The following UPP2 variants were observed in gnomAD, a reference collection of about 807,000 sequenced individuals.
UPP2 encodes the protein uridine phosphorylase 2, also known as UPase 2.
A neutral mutation model predicts 26.7 loss-of-function variants in UPP2; 23 were observed. The ratio of observed to expected loss-of-function variants is 0.86; its 90% CI spans 0.62 to 1.22. The LOEUF is 1.22. UPP2 is among the 50% of genes most tolerant of loss of function. The probability of loss-of-function intolerance (pLI) is 0.00; values close to 1 mark genes in which losing one functional copy is unlikely to be tolerated. For synonymous variants in UPP2, 127 were observed against 141.3 expected (o/e 0.90, Z 0.72); for missense variants, 387 against 396.7 (o/e 0.98, Z 0.21).
At chr2:158,047,701 G>A (rs1684176195) in intron 3 of UPP2, among the ~76,000 whole-genome samples, 1 of 152,182 alleles carries the variant, frequency 6.6e-6, no homozygotes, top group Admixed American at 6.5e-5. Context: ...ATAAAGGAAT[G>A]TAGCTTCAGT....
At chr2:158,080,753 A>G (rs1329883089) in intron 3 of UPP2, among the ~76,000 whole-genome samples, 1 of 152,130 alleles carries the variant, frequency 6.6e-6, no homozygotes, top group East Asian at 1.9e-4. Context: ...TGTCCACCAG[A>G]CTGTGCCCTC....
At chr2:158,086,765 A>G (rs12052397) in intron 3 of UPP2, among the ~76,000 whole-genome samples, 45,104 of 151,942 alleles carry the variant, frequency 0.3, 8,532 homozygotes, top group African/African-American at 0.54. Flanking sequence ...TCATTCAGGA[A>G]CAGGTTATTT....
intron 2 of UPP2, among the ~76,000 whole-genome samples, chr2:157,998,984 C>T (rs1239087426): frequency 1.3e-5 from 2 of 152,070 alleles, no homozygotes; most frequent in African/African-American, 4.8e-5. Context: ...CGAGGTTGTC[C>T]CACTGCTCAC....
At position 158,101,994 on chromosome 2, in the gene UPP2, T is replaced by C. The variant is rs1309881241; in HGVS notation, c.-70T>C. 6.2e-7 allele frequency: 1 copy of C among 1,601,886 alleles called. No homozygotes were observed. Among genetic ancestry groups the C allele is most frequent in the African/African-American group, 1.4e-5 (1 of 73,998 alleles). Reference sequence around the variant, plus strand: ...TGAACTATTATGACTAGGTCTATAATTTAATAACAAGTCACAATATCTCTC... The same window carrying C: ...TGAACTATTATGACTAGGTCTATAACTTAATAACAAGTCACAATATCTCTC... On this transcript the variant is annotated 5_prime_UTR_variant, in exon 1 of 7. Coordinates refer to ENST00000005756, the MANE Select transcript of UPP2 (RefSeq NM_173355.4).
At chr2:157,997,087 C>T (rs1022855503) in intron 2 of UPP2, among the ~76,000 whole-genome samples, 1 of 152,266 alleles carries the variant, frequency 6.6e-6, no homozygotes, top group Non-Finnish European at 1.5e-5. Flanking sequence ...TTTTCTCAAA[C>T]GTTTCTTTGG....
chr2:158,000,702 T>C (rs1015999447), intron 2 of UPP2, among the ~76,000 whole-genome samples: 1 of 152,250 alleles, frequency 6.6e-6, no homozygotes, highest in South Asian at 2.1e-4. Flanking sequence ...TGTCCATTAC[T>C]GAGCCAAGCA....
At chr2:158,064,153 T>A (rs530184037) in intron 3 of UPP2, among the ~76,000 whole-genome samples, 5 of 152,238 alleles carry the variant, frequency 3.3e-5, no homozygotes, top group Non-Finnish European at 7.3e-5. Context: ...TAGTTCTAGA[T>A]CCTTGAAGAA....
rs372671023 is a variant in UPP2 at position 158,027,661 on chromosome 2, G to A, written c.147+11775G>A. 6.6e-5 allele frequency among the ~76,000 whole-genome samples: 10 copies of A among 152,276 alleles called. No homozygotes were observed. In the East Asian group the frequency reaches 7.7e-4, roughly 12 times the overall value. ...GCTCCACTAGACGGTACCCCAGTAG[G>A]GGCTCTGTGTGGGGGATCTGACCCC... On this transcript the variant is annotated intron_variant, in intron 3 of 9. Coordinates refer to the UPP2 transcript ENST00000605860.
chr2:158,091,223 T>C (rs1027626240), intron 3 of UPP2, among the ~76,000 whole-genome samples: 3 of 152,198 alleles, frequency 2.0e-5, no homozygotes, highest in Admixed American at 2.0e-4. Flanking sequence ...TGCTTTCAAA[T>C]ATTTCTGTGT....
At chr2:158,079,338 A>G (rs1682682372) in intron 3 of UPP2, among the ~76,000 whole-genome samples, 1 of 152,120 alleles carries the variant, frequency 6.6e-6, no homozygotes, top group South Asian at 2.1e-4. Context: ...TCCCTGTAGG[A>G]TATCCAAATT....
rs145458703 is a variant in UPP2, at chr2:158,027,827, T to C, written c.147+11941T>C. 7.2e-3 allele frequency among the ~76,000 whole-genome samples: 1,101 copies of C among 152,326 alleles called. 11 individuals are homozygous for C. The highest frequency in any genetic ancestry group is 0.012 in the Non-Finnish European group (840 of 68,014). The stretch of plus-strand genomic sequence containing the variant: ...TCCAAACCCCAATTCTTGACTTCTG[T>C]GCACTTGCAGGCTCAACACCATGTG... On this transcript the variant is annotated intron_variant, in intron 3 of 9. Transcript: ENST00000605860.
intron 3 of UPP2, among the ~76,000 whole-genome samples, chr2:158,076,988 C>G (rs1430772428): frequency 6.6e-6 from 1 of 151,978 alleles, no homozygotes; most frequent in African/African-American, 2.4e-5. Context: ...GATACATAAT[C>G]AACATACGAA....
chr2:158,117,599 A>G (rs894816818), intron 3 of UPP2, among the ~76,000 whole-genome samples: 1 of 151,962 alleles, frequency 6.6e-6, no homozygotes, highest in African/African-American at 2.4e-5. Flanking sequence ...AGTCAACAGA[A>G]CTGGCAGTGA....
intron 3 of UPP2, among the ~76,000 whole-genome samples, chr2:158,086,265 T>C (rs1682812831): frequency 6.6e-6 from 1 of 152,122 alleles, no homozygotes; most frequent in Admixed American, 6.5e-5. Flanking sequence ...GTATGTTTTC[T>C]AATTTATACA....
chr2:158,095,834 G>A (rs889982685), intron 3 of UPP2, among the ~76,000 whole-genome samples: 2 of 151,604 alleles, frequency 1.3e-5, no homozygotes, highest in African/African-American at 4.8e-5. Context: ...ATTCTGAGTT[G>A]AATGTGGTTA....
chr2:158,107,775 A>G (rs6437133), intron 2 of UPP2, among the ~76,000 whole-genome samples: 82,044 of 151,934 alleles, frequency 0.54, 23,057 homozygotes, highest in African/African-American at 0.61. Context: ...GTGTGAGGGC[A>G]TGGGTGGGTG....
At chr2:158,075,591 T>G (rs1230598652) in intron 3 of UPP2, among the ~76,000 whole-genome samples, 1 of 152,044 alleles carries the variant, frequency 6.6e-6, no homozygotes, top group Non-Finnish European at 1.5e-5. Flanking sequence ...GAATGACCAT[T>G]GGGTCAATGA....
chr2:158,003,193 T>C (rs1469529280), intron 2 of UPP2, among the ~76,000 whole-genome samples: 1 of 151,908 alleles, frequency 6.6e-6, no homozygotes, highest in Non-Finnish European at 1.5e-5. Context: ...AAAGAAGGAC[T>C]TTTGTGTTGG....
chr2:158,028,091 T>A (rs995443939), intron 3 of UPP2, among the ~76,000 whole-genome samples: 1 of 152,256 alleles, frequency 6.6e-6, no homozygotes, highest in African/African-American at 2.4e-5. Flanking sequence ...CTCCATTTTC[T>A]TGGAGATTAA....
Sources: allele counts gnomAD v4.1 joint callset (sites outside exome capture counted in the v4.1 genomes callset), GRCh38; gene constraint gnomAD v4.1.1; transcripts MANE v1.5; gene names NCBI Gene and HGNC (gene_info 2026-07-23, HGNC 2026-07-21).